The following TRMT11 variants were observed in gnomAD, a reference collection of about 807,000 sequenced individuals.
The protein encoded by TRMT11 is tRNA methyltransferase 11.
Under a neutral mutation model 62.8 loss-of-function variants are expected in TRMT11, and 53 were observed. The ratio of observed to expected loss-of-function variants is 0.84; its 90% CI spans 0.68 to 1.06. TRMT11 has a LOEUF of 1.06. Ranked by LOEUF, TRMT11 falls within the 50% of genes least tolerant of loss-of-function variation. TRMT11 has a pLI of 0.00. For synonymous variants in TRMT11, 188 were observed against 190.3 expected (o/e 0.99, Z 0.10); for missense variants, 556 against 553.4 (o/e 1.00, Z -0.05).
chr6:126,202,069 G>T (rs558295516), exon 4 of TRMT11: 1 of 152,108 alleles, frequency 6.6e-6, no homozygotes, highest in Non-Finnish European at 1.5e-5. Context: ...TATGTAAAAT[G>T]CTGAATTAAA....
At chr6:126,250,731 A>C in the TRMT11 span, among the ~76,000 whole-genome samples, 1 of 152,164 alleles carries the variant, frequency 6.6e-6, no homozygotes, top group Non-Finnish European at 1.5e-5. Flanking sequence ...TCTATATGGT[A>C]AATGTTTGAG....
chr6:126,038,372 C>T (rs1775557171), intron 12 of TRMT11, among the ~76,000 whole-genome samples: 1 of 146,738 alleles, frequency 6.8e-6, no homozygotes, highest in African/African-American at 2.6e-5. Context: ...GTGTGCTGAA[C>T]TGGGAATCAG....
At chr6:126,068,342 AC>A (rs2128136089) in intron 17 of TRMT11, among the ~76,000 whole-genome samples, 1 of 152,312 alleles carries the variant, frequency 6.6e-6, no homozygotes, top group Admixed American at 6.5e-5. Context: ...TTTAAGAAAT[AC>A]TGTATTCTCT....
intron 1 of TRMT11, among the ~76,000 whole-genome samples, chr6:125,992,738 G>A (rs112582563): frequency 6.6e-6 from 1 of 152,214 alleles, no homozygotes; most frequent in African/African-American, 2.4e-5. Flanking sequence ...TAAGTCTCAT[G>A]ATGTCTCCTA....
At chr6:126,040,435 AAAG>A (rs976774598), downstream of TRMT11, among the ~76,000 whole-genome samples, 20 of 152,280 alleles carry the variant, frequency 1.3e-4, no homozygotes, top group South Asian at 2.1e-4. Context: ...TATAAATAAA[AAAG>A]AAACCTGATT....
chr6:126,089,853 A>G (rs1399344255), intron 17 of TRMT11, among the ~76,000 whole-genome samples: 1 of 152,238 alleles, frequency 6.6e-6, no homozygotes. Context: ...ATGTTAAAAG[A>G]TGAGAAAGAG....
At chr6:126,134,100 GACA>G (rs1777822031) in intron 21 of TRMT11, among the ~76,000 whole-genome samples, 1 of 151,738 alleles carries the variant, frequency 6.6e-6, no homozygotes, top group Admixed American at 6.6e-5. Flanking sequence ...ATGTGTATTA[GACA>G]ACAATTAGTA....
chr6:126,129,942 T>C (rs1314244411), intron 21 of TRMT11, among the ~76,000 whole-genome samples: 1 of 152,016 alleles, frequency 6.6e-6, no homozygotes, highest in Non-Finnish European at 1.5e-5. Context: ...ACTTCGGTGT[T>C]TGCCATTTCC....
At chr6:126,151,859 T>TTTCTTTCC (rs1491543208) in intron 21 of TRMT11, among the ~76,000 whole-genome samples, 1 of 132,438 alleles carries the variant, frequency 7.6e-6, no homozygotes, top group Non-Finnish European at 1.6e-5. Context: ...TCTTTCTTTC[T>TTTCTTTCC]TTCTTTCCTT....
chr6:126,239,223 G>T, the TRMT11 span, among the ~76,000 whole-genome samples: 4 of 152,120 alleles, frequency 2.6e-5, no homozygotes, highest in African/African-American at 7.2e-5. Context: ...GGTTAATATT[G>T]TTATGTGTGA....
At chr6:126,086,106 C>T (rs1278055925) in intron 17 of TRMT11, among the ~76,000 whole-genome samples, 1 of 152,138 alleles carries the variant, frequency 6.6e-6, no homozygotes, top group Non-Finnish European at 1.5e-5. Flanking sequence ...GATGCATTTT[C>T]TAGTCTCTAA....
chr6:126,242,651 T>G, the TRMT11 span, among the ~76,000 whole-genome samples: 1 of 152,176 alleles, frequency 6.6e-6, no homozygotes, highest in African/African-American at 2.4e-5. Flanking sequence ...CTATCTGATC[T>G]TTGAGAAACC....
chr6:126,224,313 G>A, the TRMT11 span, among the ~76,000 whole-genome samples: 2 of 152,200 alleles, frequency 1.3e-5, no homozygotes, highest in African/African-American at 4.8e-5. Context: ...TCCTTTGAAT[G>A]AGGCTTTTTG....
At chr6:126,172,626 A>G (rs962730533), upstream of TRMT11, among the ~76,000 whole-genome samples, 6 of 152,176 alleles carry the variant, frequency 3.9e-5, no homozygotes, top group Non-Finnish European at 8.8e-5. Context: ...AACACTTTCA[A>G]TACTGTTAGC....
chr6:126,188,695 T>G lies in TRMT11; in HGVS notation n.144-10104T>G, dbSNP rs543899704. Among the ~76,000 whole-genome samples, 34 of 152,318 alleles carry G rather than the reference T, an allele frequency of 2.2e-4. No homozygotes were observed. In the South Asian group the frequency reaches 2.9e-3, roughly 13 times the overall value. Reference sequence around the variant, plus strand: ...AAGTTGTTCGTACCTTCAAAGAGCATGTAGACAAGTTTGCAAATTAAAGCC... The same window carrying G: ...AAGTTGTTCGTACCTTCAAAGAGCAGGTAGACAAGTTTGCAAATTAAAGCC... On this transcript the variant is annotated intron_variant and non_coding_transcript_variant, in intron 1 of 3. Coordinates refer to the TRMT11 transcript ENST00000444229.
intron 1 of TRMT11, among the ~76,000 whole-genome samples, chr6:126,193,581 C>T (rs900640887): frequency 6.7e-5 from 10 of 148,874 alleles, no homozygotes; most frequent in African/African-American, 2.0e-4. Context: ...CAAGCTTCGC[C>T]TCCCAGGTTC....
the TRMT11 span, among the ~76,000 whole-genome samples, chr6:126,233,084 T>C: frequency 6.6e-6 from 1 of 152,196 alleles, no homozygotes; most frequent in African/African-American, 2.4e-5. Flanking sequence ...AGACAGTTAA[T>C]AGAACGTACG....
At chr6:126,166,216 A>T (rs1180632049) in intron 21 of TRMT11, among the ~76,000 whole-genome samples, 1 of 151,468 alleles carries the variant, frequency 6.6e-6, no homozygotes, top group Non-Finnish European at 1.5e-5. Context: ...GCTTCCTTCC[A>T]TTGGGTTTTT....
At chr6:126,011,712 A>C (rs1794231474) in intron 9 of TRMT11, among the ~76,000 whole-genome samples, 1 of 151,890 alleles carries the variant, frequency 6.6e-6, no homozygotes, top group African/African-American at 2.4e-5. Context: ...TGAGGCATAT[A>C]TTTAGTATTT....
Sources: gnomAD v4.1 joint callset for allele counts (sites outside exome capture counted in the v4.1 genomes callset) on GRCh38, gnomAD v4.1.1 for gene constraint, MANE v1.5 for transcripts, NCBI Gene and HGNC (gene_info 2026-07-23, HGNC 2026-07-21) for gene names.